The following COG3 variants were observed in gnomAD, a reference collection of about 807,000 sequenced individuals.
The protein encoded by COG3 is component of oligomeric golgi complex 3.
A neutral mutation model predicts 114.1 loss-of-function variants in COG3; 32 were observed. That is an observed-to-expected ratio of 0.28 (90% CI 0.21 to 0.38). The LOEUF (loss-of-function observed/expected upper bound fraction) is 0.38, where lower values mean the gene tolerates loss of function less well. COG3 is among the 10% of genes least tolerant of loss of function. The pLI, the probability that COG3 is intolerant of heterozygous loss-of-function variation, is 1.00. For missense variants in COG3, 813 were observed against 973.2 expected (o/e 0.84, Z 2.19); for synonymous variants, 352 against 365.7 (o/e 0.96, Z 0.43).
At chr13:45,525,123 T>C in intron 20 of COG3, 72 bp downstream of exon 20, 1 of 1,266,334 alleles carries the variant, frequency 7.9e-7, no homozygotes, top group East Asian at 2.4e-5. Context: ...GTCCTTACTG[T>C]GACAGCTTGG....
In COG3 at chr13:45,492,268, C is replaced by G. The variant is rs768586230; in HGVS notation, c.1187+18C>G. ...AAATTAGAGTAGGTGGACATGGAAT[C>G]TAACTCTTGTTCATAAAATTTAACT... On this transcript the variant is annotated intron_variant, in intron 11 of 22. Coordinates refer to ENST00000349995, the MANE Select transcript of COG3 (RefSeq NM_031431.4). 6.9e-7 allele frequency: 1 copy of G among 1,442,066 alleles called. No individual in the cohort carries two copies. The highest frequency in any genetic ancestry group is 9.7e-7 in the Non-Finnish European group (1 of 1,029,978). The allele number at this position is 1,442,066 out of a possible 1,614,324, so 89.3% of individuals were successfully genotyped here. A position where few individuals can be genotyped will look rare whatever the true frequency, so the allele number is the denominator to read the frequency against.
rs556972864 is a variant in COG3, at chr13:45,491,748, T to C, written c.1095+210T>C. On this transcript the variant is annotated intron_variant, in intron 10 of 22. Coordinates refer to ENST00000349995, the MANE Select transcript of COG3 (RefSeq NM_031431.4). ...TACTTATTTTTTGAGATAAGAAGAT[T>C]CACAAATAAATATTGTTCTTGAAAA... Among the ~76,000 whole-genome samples the C allele has an allele frequency of 7.2e-5, 11 of 152,310 alleles. 1 individual carries two copies. In the South Asian group the frequency reaches 2.3e-3, roughly 32 times the overall value.
At chr13:45,490,159 G>A (rs915633878) in intron 8 of COG3, among the ~76,000 whole-genome samples, 1 of 152,174 alleles carries the variant, frequency 6.6e-6, no homozygotes, top group African/African-American at 2.4e-5. Flanking sequence ...GGCAGATTAA[G>A]GTCAGTGCTT....
intron 1 of COG3, 80 bp downstream of exon 1, chr13:45,465,290 C>A: frequency 6.5e-7 from 1 of 1,540,202 alleles, no homozygotes; most frequent in Non-Finnish European, 8.7e-7. Flanking sequence ...CCCGGCCTCA[C>A]TAGCCTCTGC....
chr13:45,531,394 G>A (rs1189458793), intron 22 of COG3: 1 of 152,354 alleles, frequency 6.6e-6, no homozygotes, highest in Non-Finnish European at 1.5e-5. Context: ...TTAGTATATG[G>A]TAAGGACTAG....
At chr13:45,500,094 G>GTGTGTATA (rs1321310200) in intron 13 of COG3, among the ~76,000 whole-genome samples, 110 of 114,864 alleles carry the variant, frequency 9.6e-4, no homozygotes, top group African/African-American at 3.7e-3. Context: ...GTGTGTGTGT[G>GTGTGTATA]TATATATATA....
chr13:45,471,152 C>T (rs1885451081), intron 1 of COG3, among the ~76,000 whole-genome samples: 1 of 152,104 alleles, frequency 6.6e-6, no homozygotes, highest in South Asian at 2.1e-4. Flanking sequence ...CCCTGTAATC[C>T]CAGCACTTTG....
At chr13:45,510,755 C>T (rs898350949) in intron 15 of COG3, among the ~76,000 whole-genome samples, 1 of 152,194 alleles carries the variant, frequency 6.6e-6, no homozygotes, top group Non-Finnish European at 1.5e-5. Flanking sequence ...CACTTTTAGT[C>T]TTACCGATCA....
At chr13:45,466,754 C>A (rs41289555) in intron 1 of COG3, 1 of 152,172 alleles carries the variant, frequency 6.6e-6, no homozygotes, top group Admixed American at 6.5e-5. Flanking sequence ...TGTCATGGGT[C>A]ATAAACTATT....
chr13:45,504,398 T>C (rs1204053843), intron 14 of COG3, among the ~76,000 whole-genome samples: 9 of 152,322 alleles, frequency 5.9e-5, no homozygotes, highest in African/African-American at 2.2e-4. Flanking sequence ...CTAGTATACC[T>C]CTTTATGAGC....
At position 45,493,335 on chromosome 13, in the gene COG3, C is replaced by T. The variant is rs555136466; in HGVS notation, c.1188-12C>T. 21 of 1,598,480 alleles carry T rather than the reference C, an allele frequency of 1.3e-5. No individual in the cohort carries two copies. In the South Asian group the frequency reaches 2.1e-4, roughly 16 times the overall value. Reference sequence around the variant, plus strand: ...ACTACTACTAATAGACATTTTTATTCTTTCATTTTAGTGAGCTTTTGGAGA... The same window carrying T: ...ACTACTACTAATAGACATTTTTATTTTTTCATTTTAGTGAGCTTTTGGAGA... On this transcript the variant is annotated splice_polypyrimidine_tract_variant and intron_variant, in intron 11 of 22. Transcript: ENST00000349995.
intron 6 of COG3, among the ~76,000 whole-genome samples, chr13:45,482,674 T>A (rs12100216): frequency 6.8e-4 from 103 of 152,346 alleles, no homozygotes; most frequent in African/African-American, 2.4e-3. Context: ...GAATTCTTAG[T>A]CGTTATTAGC....
At chr13:45,472,841 T>C (rs1450650389) in intron 1 of COG3, among the ~76,000 whole-genome samples, 2 of 152,200 alleles carry the variant, frequency 1.3e-5, no homozygotes, top group Non-Finnish European at 2.9e-5. Context: ...AGTCTGGCTC[T>C]GTTGATTGCT....
intron 20 of COG3, among the ~76,000 whole-genome samples, chr13:45,528,707 AG>A (rs1872906862): frequency 6.6e-6 from 1 of 152,178 alleles, no homozygotes; most frequent in African/African-American, 2.4e-5. Flanking sequence ...TATATCTTAG[AG>A]GCCTTTCTGT....
At chr13:45,478,471 G>T (rs1220975439) in intron 2 of COG3, among the ~76,000 whole-genome samples, 2 of 144,926 alleles carry the variant, frequency 1.4e-5, no homozygotes, top group South Asian at 4.5e-4. Flanking sequence ...GAGCCACCGC[G>T]CCCAGCCTTT....
At chr13:45,533,031 C>CAGT (rs1299559503) in intron 22 of COG3, among the ~76,000 whole-genome samples, 2 of 151,740 alleles carry the variant, frequency 1.3e-5, no homozygotes, top group African/African-American at 4.8e-5. Flanking sequence ...GTCATGGTAA[C>CAGT]AGGAGGAGGC....
chr13:45,486,780 C>T (rs1450992098), intron 8 of COG3, among the ~76,000 whole-genome samples: 1 of 152,124 alleles, frequency 6.6e-6, no homozygotes, highest in Non-Finnish European at 1.5e-5. Context: ...TCTAGCTTTT[C>T]CTGTGATGCT....
rs1388274512 is a variant in COG3 at position 45,529,873 on chromosome 13, C to T, written c.2313C>T (p.Tyr771=). The change falls in exon 21 of 23, where the codon TAC becomes TAT. Residue 771 remains tyrosine, a synonymous_variant. Transcript: ENST00000349995. ...LPVTLRSMSL[Y]LSNKDTEFIL... ...TGACATTGAGAAGTATGTCCTTGTA[C>T]CTATCCAATAAAGATACCGAGTTCA... is the stretch of plus-strand genomic sequence containing the variant. 1.2e-6 allele frequency: 2 copies of T among 1,613,480 alleles called. No homozygotes were observed. Among genetic ancestry groups the T allele is most frequent in the South Asian group, 1.1e-5 (1 of 90,976 alleles).
At chr13:45,515,089 C>T (rs1871403009) in intron 16 of COG3, among the ~76,000 whole-genome samples, 1 of 152,214 alleles carries the variant, frequency 6.6e-6, no homozygotes, top group African/African-American at 2.4e-5. Context: ...TGCTGGATTA[C>T]AATAGCTTTA....
Sources: gnomAD v4.1 joint callset for allele counts (sites outside exome capture counted in the v4.1 genomes callset) on GRCh38, gnomAD v4.1.1 for gene constraint, MANE v1.5 for transcripts, NCBI Gene and HGNC (gene_info 2026-07-23, HGNC 2026-07-21) for gene names.